The following TCF7L1 variants were observed in gnomAD, a reference collection of about 807,000 sequenced individuals.
TCF7L1 encodes the protein transcription factor 7-like 1.
Under a neutral mutation model 63.7 loss-of-function variants are expected in TCF7L1, and 18 were observed. The observed-to-expected ratio is 0.28, with a 90% CI of 0.20 to 0.42. The LOEUF is 0.42. Ranked by LOEUF, TCF7L1 falls within the 10% of genes least tolerant of loss-of-function variation. The pLI is 1.00. For missense variants in TCF7L1, 654 were observed against 779.3 expected, an observed-to-expected ratio of 0.84 and a Z score of 1.91; for synonymous variants, 355 against 340.9, an observed-to-expected ratio of 1.04 and a Z score of -0.46.
At chr2:85,176,379 A>G (rs915529263) in intron 3 of TCF7L1, among the ~76,000 whole-genome samples, 4 of 152,176 alleles carry the variant, frequency 2.6e-5, no homozygotes, top group African/African-American at 9.7e-5. Flanking sequence ...CTTCCCATAC[A>G]TCTTCATGGT....
chr2:85,157,122 C>G (rs1212675343), intron 3 of TCF7L1, among the ~76,000 whole-genome samples: 1 of 152,252 alleles, frequency 6.6e-6, no homozygotes, highest in East Asian at 1.9e-4. Flanking sequence ...TATTTATTTA[C>G]TGGAAGAGGC....
intron 3 of TCF7L1, among the ~76,000 whole-genome samples, chr2:85,211,736 T>C (rs958443981): frequency 6.6e-6 from 1 of 152,202 alleles, no homozygotes; most frequent in African/African-American, 2.4e-5. Flanking sequence ...CCCACATCCC[T>C]TGTAGCTGTG....
intron 3 of TCF7L1, among the ~76,000 whole-genome samples, chr2:85,280,975 A>T (rs924353446): frequency 6.7e-6 from 1 of 150,094 alleles, no homozygotes; most frequent in Non-Finnish European, 1.5e-5. Context: ...GCTGTCTTGT[A>T]TGAAGTTGGG....
chr2:85,299,757 G>A (rs967456325), intron 4 of TCF7L1, among the ~76,000 whole-genome samples: 1 of 151,544 alleles, frequency 6.6e-6, no homozygotes, highest in Admixed American at 6.6e-5. Context: ...TACTTGGGAG[G>A]CTGAGGTGGG....
chr2:85,234,456 T>G (rs899401632), intron 3 of TCF7L1, among the ~76,000 whole-genome samples: 2 of 152,182 alleles, frequency 1.3e-5, no homozygotes, highest in African/African-American at 4.8e-5. Flanking sequence ...TTTTAAAGGT[T>G]GTGGAAATTT....
At chr2:85,189,670 C>T (rs925142865) in intron 3 of TCF7L1, among the ~76,000 whole-genome samples, 3 of 152,176 alleles carry the variant, frequency 2.0e-5, no homozygotes, top group Admixed American at 6.5e-5. Flanking sequence ...GGGCAAACCC[C>T]GGGGCTGGAG....
In TCF7L1 at chr2:85,297,702, G is replaced by A. The variant is rs1445646678; in HGVS notation, c.526-4782G>A. Among the ~76,000 whole-genome samples, 3 of 152,034 alleles carry A rather than the reference G, an allele frequency of 2.0e-5. No individual in the cohort carries two copies. In the South Asian group the frequency reaches 6.2e-4, roughly 32 times the overall value. On this transcript the variant is annotated intron_variant, in intron 4 of 11. Transcript: ENST00000282111. ...TAGCCCGGCATGGTGGGAAGATCCC[G>A]TGAGCCCAGGAGGCAGAAGCTGCAG...
chr2:85,216,287 A>C (rs565885987), intron 3 of TCF7L1, among the ~76,000 whole-genome samples: 1 of 152,132 alleles, frequency 6.6e-6, no homozygotes, highest in East Asian at 1.9e-4. Context: ...CCCACCCTGC[A>C]TTACTTGACT....
chr2:85,249,032 G>A (rs1573009374), intron 3 of TCF7L1, among the ~76,000 whole-genome samples: 1 of 151,930 alleles, frequency 6.6e-6, no homozygotes, highest in East Asian at 1.9e-4. Flanking sequence ...AGGGAAAGGG[G>A]GAGTGAACTT....
chr2:85,252,372 G>T (rs1020793373), intron 3 of TCF7L1, among the ~76,000 whole-genome samples: 4 of 152,172 alleles, frequency 2.6e-5, no homozygotes, highest in African/African-American at 9.7e-5. Context: ...CGTGGTCTCG[G>T]GCAGTTATAC....
chr2:85,186,660 G>A (rs923153123), intron 3 of TCF7L1: 1 of 152,188 alleles, frequency 6.6e-6, no homozygotes, highest in Non-Finnish European at 1.5e-5. Flanking sequence ...TGATGTGCCT[G>A]ATGTATCTGT....
chr2:85,271,994 A>G (rs916010445), intron 3 of TCF7L1, among the ~76,000 whole-genome samples: 7 of 152,214 alleles, frequency 4.6e-5, no homozygotes, highest in Non-Finnish European at 7.3e-5. Flanking sequence ...CATTTTGTCA[A>G]TGTGAGGCAA....
chr2:85,289,706 CTG>C (rs1287918700), intron 4 of TCF7L1, among the ~76,000 whole-genome samples: 1 of 152,198 alleles, frequency 6.6e-6, no homozygotes, highest in East Asian at 1.9e-4. Flanking sequence ...GACAGTCTCA[CTG>C]TTGCCCAGGC....
Position 85,133,462 on chromosome 2 carries a change from G to A in TCF7L1, c.-223G>A, listed in dbSNP as rs1396483003. On this transcript the variant is annotated 5_prime_UTR_variant, in exon 1 of 12. Transcript: ENST00000282111. The surrounding 1 kb of genome is among the most constrained non-coding windows in gnomAD (Gnocchi z 4.4). ...GCAGGCGGCGGCGGTGGCGAGTTGG[G>A]GAGCCCTAGGCTCGGCGCTGCCGGA... 2 of 150,866 alleles carry A rather than the reference G, an allele frequency of 1.3e-5. No homozygotes were observed. The highest frequency in any genetic ancestry group is 3.0e-5 in the Non-Finnish European group (2 of 67,636). The allele number at this position is 150,866 out of a possible 1,614,324, so 9.3% of individuals were successfully genotyped here. A position where few individuals can be genotyped will look rare whatever the true frequency, so the allele number is the denominator to read the frequency against.
At chr2:85,144,435 C>CAAAA (rs1558614884) in intron 3 of TCF7L1, among the ~76,000 whole-genome samples, 1 of 128,128 alleles carries the variant, frequency 7.8e-6, no homozygotes, top group Admixed American at 8.0e-5. Flanking sequence ...AAAAAAAAAA[C>CAAAA]AAAAACCAAA....
intron 3 of TCF7L1, among the ~76,000 whole-genome samples, chr2:85,180,439 C>T (rs914138058): frequency 5.9e-5 from 9 of 151,972 alleles, no homozygotes; most frequent in African/African-American, 1.9e-4. Context: ...GCCTGACCCT[C>T]AGCCATCGCA....
intron 3 of TCF7L1, among the ~76,000 whole-genome samples, chr2:85,227,045 G>A (rs1434783462): frequency 1.3e-5 from 2 of 152,126 alleles, no homozygotes; most frequent in African/African-American, 4.8e-5. Flanking sequence ...AAGATCAGAT[G>A]TGCAAAAGCG....
intron 3 of TCF7L1, among the ~76,000 whole-genome samples, chr2:85,249,670 A>C (rs1680547726): frequency 6.6e-6 from 1 of 152,202 alleles, no homozygotes; most frequent in African/African-American, 2.4e-5. Flanking sequence ...CAAAGCCTCC[A>C]TAAAACTCAT....
intron 3 of TCF7L1, among the ~76,000 whole-genome samples, chr2:85,270,589 G>A (rs1033434156): frequency 6.6e-6 from 1 of 152,222 alleles, no homozygotes; most frequent in Non-Finnish European, 1.5e-5. Flanking sequence ...GCAAGAAAGA[G>A]TGCCATGGTC....
Sources: allele counts gnomAD v4.1 joint callset (sites outside exome capture counted in the v4.1 genomes callset), GRCh38; gene constraint gnomAD v4.1.1; non-coding constraint Gnocchi (gnomAD v3.1); transcripts MANE v1.5; gene names NCBI Gene and HGNC (gene_info 2026-07-23, HGNC 2026-07-21).